Variants in DAPK1 observed in about 807,000 individuals in gnomAD.
The protein encoded by DAPK1 is death associated protein kinase 1, also known as death-associated protein kinase 1.
A neutral mutation model predicts 144.9 loss-of-function variants in DAPK1; 56 were observed. The observed-to-expected ratio is 0.39, with a 90% CI of 0.31 to 0.48. The LOEUF (loss-of-function observed/expected upper bound fraction) is 0.48, where lower values mean the gene tolerates loss of function less well. Ranked by LOEUF, DAPK1 falls within the 20% of genes least tolerant of loss-of-function variation. DAPK1 has a pLI of 0.95. For synonymous variants in DAPK1, 690 were observed against 749.0 expected, an observed-to-expected ratio of 0.92 and a Z score of 1.29; for missense variants, 1,454 against 1,875.4, an observed-to-expected ratio of 0.78 and a Z score of 4.15.
At chr9:87,630,027 C>T (rs1295929962) in intron 3 of DAPK1, among the ~76,000 whole-genome samples, 1 of 152,146 alleles carries the variant, frequency 6.6e-6, no homozygotes, top group Non-Finnish European at 1.5e-5. Flanking sequence ...CATGAGACTA[C>T]AAGGAGAGAG....
chr9:87,620,391 C>T (rs36208753), intron 3 of DAPK1, among the ~76,000 whole-genome samples: 1 of 152,208 alleles, frequency 6.6e-6, no homozygotes, highest in Non-Finnish European at 1.5e-5. Context: ...CTGCTCTATG[C>T]CTGTTAAAAT....
chr9:87,661,401 A>C (rs1018379143), intron 18 of DAPK1, among the ~76,000 whole-genome samples: 1 of 152,150 alleles, frequency 6.6e-6, no homozygotes, highest in Admixed American at 6.5e-5. Flanking sequence ...TAATTTCTCT[A>C]TGTTTTCCAT....
rs780593135 is a variant in DAPK1, at chr9:87,605,074, C to T, written c.183C>T (p.Ile61=). The T allele has an allele frequency of 6.2e-6, 10 of 1,614,052 alleles. No individual in the cohort carries two copies. Among genetic ancestry groups the T allele is most frequent in the Middle Eastern group, 1.6e-4 (1 of 6,084 alleles). ...GGCGGGGTGTGAGCCGCGAGGACAT[C>T]GAGCGGGAGGTCAGCATCCTGAAGG... The part of the protein sequence containing the change: ...SSRRGVSRED[I]EREVSILKEI... The change falls in exon 3 of 26, where the codon ATC becomes ATT. Residue 61 remains isoleucine, a synonymous_variant. Coordinates refer to ENST00000408954, the MANE Select transcript of DAPK1 (RefSeq NM_004938.4).
intron 2 of DAPK1, among the ~76,000 whole-genome samples, chr9:87,524,107 G>A (rs1825401038): frequency 6.6e-6 from 1 of 152,212 alleles, no homozygotes; most frequent in Non-Finnish European, 1.5e-5. Context: ...GGCGTTCCTG[G>A]TGGATGAGCC....
At chr9:87,622,893 AGAGT>A in intron 3 of DAPK1, among the ~76,000 whole-genome samples, 1 of 152,286 alleles carries the variant, frequency 6.6e-6, no homozygotes, top group East Asian at 1.9e-4. Context: ...CCTGGGCGGC[AGAGT>A]GAGACTCCAT....
At chr9:87,609,143 C>T (rs947094673) in intron 3 of DAPK1, among the ~76,000 whole-genome samples, 1 of 152,180 alleles carries the variant, frequency 6.6e-6, no homozygotes, top group African/African-American at 2.4e-5. Flanking sequence ...AACTGGGACA[C>T]CGGCTTTTCC....
At chr9:87,517,036 C>T (rs1187615781) in intron 2 of DAPK1, among the ~76,000 whole-genome samples, 1 of 152,122 alleles carries the variant, frequency 6.6e-6, no homozygotes, top group Admixed American at 6.5e-5. Flanking sequence ...CCTCTCTCTT[C>T]CTGCCCCCAT....
intron 2 of DAPK1, among the ~76,000 whole-genome samples, chr9:87,517,333 C>T (rs1825101597): frequency 6.6e-6 from 1 of 152,036 alleles, no homozygotes; most frequent in Non-Finnish European, 1.5e-5. Context: ...ATCCATTTTC[C>T]CTCTGAAGGC....
At chr9:87,506,382 G>A (rs928135756) in intron 2 of DAPK1, among the ~76,000 whole-genome samples, 2 of 152,184 alleles carry the variant, frequency 1.3e-5, no homozygotes, top group African/African-American at 4.8e-5. Flanking sequence ...CGACACACTG[G>A]GACCTTCTTT....
chr9:87,652,667 G>T (rs1358660644), intron 17 of DAPK1, among the ~76,000 whole-genome samples: 1 of 143,812 alleles, frequency 7.0e-6, no homozygotes, highest in Non-Finnish European at 1.5e-5. Flanking sequence ...CCATGCCCCC[G>T]ATCCTGGGTC....
chr9:87,500,119 A>G (rs1285480190), intron 2 of DAPK1, among the ~76,000 whole-genome samples: 1 of 152,226 alleles, frequency 6.6e-6, no homozygotes, highest in Non-Finnish European at 1.5e-5. Context: ...TGAAAAGGAA[A>G]TTAAAAAACA....
intron 18 of DAPK1, among the ~76,000 whole-genome samples, chr9:87,660,057 C>T (rs1343395735): frequency 1.3e-5 from 2 of 152,154 alleles, no homozygotes; most frequent in Non-Finnish European, 2.9e-5. Flanking sequence ...ATTGCTGGAA[C>T]CTGCAGGCCA....
At chr9:87,666,346 C>T (rs558631893) in intron 18 of DAPK1, among the ~76,000 whole-genome samples, 1 of 152,294 alleles carries the variant, frequency 6.6e-6, no homozygotes, top group South Asian at 2.1e-4. Flanking sequence ...CAAACTGTCT[C>T]CTGCACTGCC....
intron 2 of DAPK1, among the ~76,000 whole-genome samples, chr9:87,566,079 G>A (rs1210848782): frequency 2.0e-5 from 3 of 149,054 alleles, no homozygotes; most frequent in Admixed American, 6.7e-5. Context: ...GGAGTGCAGT[G>A]GCACGATCTT....
chr9:87,673,937 C>T (rs532622456), intron 19 of DAPK1, among the ~76,000 whole-genome samples: 1 of 152,290 alleles, frequency 6.6e-6, no homozygotes, highest in East Asian at 1.9e-4. Flanking sequence ...TGCGCTCAGT[C>T]AGTAACAGAG....
upstream of DAPK1, chr9:87,497,716 A>C: frequency 4.1e-6 from 1 of 245,322 alleles, no homozygotes; most frequent in Non-Finnish European, 7.7e-6. Flanking sequence ...CGGAGCTGGG[A>C]GGAGCAGCGA....
At chr9:87,551,999 G>A (rs1014806720) in intron 2 of DAPK1, among the ~76,000 whole-genome samples, 4 of 152,200 alleles carry the variant, frequency 2.6e-5, no homozygotes, top group African/African-American at 9.7e-5. Flanking sequence ...AGAGGGGCTT[G>A]GAGGGTGAGG....
chr9:87,695,362 C>A (rs1000066450), intron 21 of DAPK1, among the ~76,000 whole-genome samples: 62 of 152,166 alleles, frequency 4.1e-4, no homozygotes, highest in Admixed American at 3.9e-3. Flanking sequence ...GTGAAGGGAG[C>A]CTTCAAATCC....
chr9:87,520,688 A>G (rs1825263140), intron 2 of DAPK1, among the ~76,000 whole-genome samples: 1 of 152,166 alleles, frequency 6.6e-6, no homozygotes, highest in East Asian at 1.9e-4. Flanking sequence ...AAACTGGGAA[A>G]CCAGAGCTTA....
Sources: allele counts gnomAD v4.1 joint callset (sites outside exome capture counted in the v4.1 genomes callset), GRCh38; gene constraint gnomAD v4.1.1; transcripts MANE v1.5; gene names NCBI Gene and HGNC (gene_info 2026-07-23, HGNC 2026-07-21).